Variants in SNTG1 observed in about 807,000 individuals in gnomAD.
The protein encoded by SNTG1 is gamma-1-syntrophin.
SNTG1 carries 39 observed loss-of-function variants against 74.7 expected under a neutral mutation model. That is an observed-to-expected ratio of 0.52 (90% CI 0.40 to 0.68). The LOEUF (loss-of-function observed/expected upper bound fraction) is 0.68. Ranked by LOEUF, SNTG1 falls within the 30% of genes least tolerant of loss-of-function variation. The pLI is 0.00. For missense variants in SNTG1, 685 were observed against 609.5 expected (o/e 1.12, Z -1.30); for synonymous variants, 254 against 217.1 (o/e 1.17, Z -1.49).
At chr8:50,223,633 T>A (rs2132007992) in intron 2 of SNTG1, among the ~76,000 whole-genome samples, 1 of 152,078 alleles carries the variant, frequency 6.6e-6, no homozygotes, top group Non-Finnish European at 1.5e-5. Context: ...ATGCATCACT[T>A]AGGAAACAAA....
intron 1 of SNTG1, among the ~76,000 whole-genome samples, chr8:49,920,239 G>C (rs1003633545): frequency 6.6e-6 from 1 of 151,966 alleles, no homozygotes; most frequent in Non-Finnish European, 1.5e-5. Context: ...CTACACTTTA[G>C]TTTCCGTTCG....
At chr8:49,958,314 G>C (rs1287233300) in intron 1 of SNTG1, among the ~76,000 whole-genome samples, 1 of 152,160 alleles carries the variant, frequency 6.6e-6, no homozygotes, top group Non-Finnish European at 1.5e-5. Flanking sequence ...TGTCCATTTT[G>C]ACAAAATAGG....
At chr8:50,559,909 A>G (rs1384029216) in intron 12 of SNTG1, among the ~76,000 whole-genome samples, 1 of 152,202 alleles carries the variant, frequency 6.6e-6, no homozygotes, top group African/African-American at 2.4e-5. Context: ...CTGCACAGCA[A>G]AAGAAATTAT....
chr8:49,980,698 T>G (rs1308268612), intron 1 of SNTG1, among the ~76,000 whole-genome samples: 8 of 152,150 alleles, frequency 5.3e-5, no homozygotes, highest in Non-Finnish European at 1.2e-4. Context: ...TAATTGAGTG[T>G]GGTAGAAATA....
chr8:50,043,086 C>T (rs1050919469), intron 1 of SNTG1, among the ~76,000 whole-genome samples: 13 of 151,548 alleles, frequency 8.6e-5, no homozygotes, highest in Admixed American at 7.9e-4. Flanking sequence ...TGTTATTTTC[C>T]TTCTACTCTG....
intron 1 of SNTG1, among the ~76,000 whole-genome samples, chr8:50,020,284 A>G (rs1246959194): frequency 1.3e-5 from 2 of 152,132 alleles, no homozygotes; most frequent in African/African-American, 4.8e-5. Context: ...AGAGTGAATA[A>G]TAAGCCTTTA....
rs113097370 is a variant in SNTG1 at position 50,327,870 on chromosome 8, C to T, written c.-27-66342C>T. Among the ~76,000 whole-genome samples, 917 of 152,148 alleles carry T rather than the reference C, an allele frequency of 6.0e-3. 7 individuals carry two copies. The highest frequency in any genetic ancestry group is 0.021 in the African/African-American group (859 of 41,546). The stretch of plus-strand genomic sequence containing the variant: ...AAGTGGTTTTAGAGTTTGCAATATA[C>T]ATTTACACTGAATCTAAAGCAACTT... On this transcript the variant is annotated intron_variant, in intron 2 of 18. Coordinates refer to ENST00000642720, the MANE Select transcript of SNTG1 (RefSeq NM_018967.5).
Position 50,075,172 on chromosome 8 carries a change from C to T in SNTG1, c.-102-97389C>T, listed in dbSNP as rs868136941. 2.3e-4 allele frequency among the ~76,000 whole-genome samples: 35 copies of T among 152,252 alleles called. 2 individuals carry two copies. The highest frequency in any genetic ancestry group is 4.6e-4 in the African/African-American group (19 of 41,576). ...TCCCCCCTGTGGGCTCCTGGGCAGC[C>T]GGAGCCTCCCCAATGGGAGCTGTCC... On this transcript the variant is annotated intron_variant, in intron 1 of 18. Coordinates refer to ENST00000642720, the MANE Select transcript of SNTG1 (RefSeq NM_018967.5).
At chr8:50,018,891 G>A (rs1199664881) in intron 1 of SNTG1, among the ~76,000 whole-genome samples, 1 of 151,942 alleles carries the variant, frequency 6.6e-6, no homozygotes, top group South Asian at 2.1e-4. Context: ...GAAAACTGGT[G>A]CAAGCCACTG....
chr8:50,240,148 T>C (rs573066429), intron 2 of SNTG1, among the ~76,000 whole-genome samples: 2 of 152,328 alleles, frequency 1.3e-5, no homozygotes, highest in South Asian at 4.1e-4. Context: ...GTTAGACTTT[T>C]GCAATGAGAC....
chr8:50,535,565 A>G (rs1051042578), intron 10 of SNTG1, among the ~76,000 whole-genome samples: 3 of 152,040 alleles, frequency 2.0e-5, no homozygotes, highest in Non-Finnish European at 4.4e-5. Context: ...ACCAGTAGGG[A>G]CCCCTCACTA....
At chr8:50,174,092 G>T (rs2082906742) in intron 2 of SNTG1, among the ~76,000 whole-genome samples, 1 of 152,190 alleles carries the variant, frequency 6.6e-6, no homozygotes, top group Admixed American at 6.5e-5. Context: ...GCGGTGTTTG[G>T]TTTTCTGTTC....
intron 2 of SNTG1, among the ~76,000 whole-genome samples, chr8:50,271,448 A>T (rs541145665): frequency 1.3e-5 from 2 of 152,162 alleles, no homozygotes; most frequent in Admixed American, 6.6e-5. Flanking sequence ...TAAAGTCTGA[A>T]ATTTTATGAA....
At chr8:50,762,311 A>C (rs927728469) in intron 18 of SNTG1, 1 of 164,086 alleles carries the variant, frequency 6.1e-6, no homozygotes, top group Non-Finnish European at 1.3e-5. Context: ...AAAATTCAAA[A>C]ACTGAACATA....
intron 1 of SNTG1, among the ~76,000 whole-genome samples, chr8:50,120,908 A>G (rs935737467): frequency 7.0e-5 from 10 of 142,076 alleles, no homozygotes; most frequent in Non-Finnish European, 1.4e-4. Context: ...TTGCAGGACA[A>G]CTGATCCTCT....
At chr8:50,044,080 C>T (rs1328116652) in intron 1 of SNTG1, among the ~76,000 whole-genome samples, 3 of 152,136 alleles carry the variant, frequency 2.0e-5, no homozygotes, top group African/African-American at 7.2e-5. Context: ...TGAAAAACTA[C>T]AAGTTGCAAA....
chr8:49,917,412 G>T (rs747344088), intron 1 of SNTG1, among the ~76,000 whole-genome samples: 1 of 152,130 alleles, frequency 6.6e-6, no homozygotes, highest in Non-Finnish European at 1.5e-5. Context: ...ACTTAAGTTC[G>T]AATCCTGTTA....
At chr8:50,177,393 C>T (rs997951160) in intron 2 of SNTG1, among the ~76,000 whole-genome samples, 4 of 152,128 alleles carry the variant, frequency 2.6e-5, no homozygotes, top group African/African-American at 9.7e-5. Flanking sequence ...TATCTTGTGT[C>T]AGCTGCAGTC....
chr8:50,455,657 TTTAGA>T (rs1379784286), intron 8 of SNTG1, among the ~76,000 whole-genome samples: 6 of 152,234 alleles, frequency 3.9e-5, no homozygotes, highest in African/African-American at 9.6e-5. Flanking sequence ...TCTTTTTTAC[TTTAGA>T]TTAATCAGAC....
Sources: allele counts gnomAD v4.1 joint callset (sites outside exome capture counted in the v4.1 genomes callset), GRCh38; gene constraint gnomAD v4.1.1; transcripts MANE v1.5; gene names NCBI Gene and HGNC (gene_info 2026-07-23, HGNC 2026-07-21).